The following RCC1 variants were observed in gnomAD, a reference collection of about 807,000 sequenced individuals.
RCC1 encodes the protein regulator of chromosome condensation.
A neutral mutation model predicts 44.4 loss-of-function variants in RCC1; 11 were observed. That is an observed-to-expected ratio of 0.25 (90% confidence interval 0.16 to 0.41). RCC1 has a LOEUF of 0.41. Among genes scored for constraint, RCC1 ranks in the 10% least tolerant of loss-of-function variants. The pLI, the probability that RCC1 is intolerant of heterozygous loss-of-function variation, is 1.00. For synonymous variants in RCC1, 213 were observed against 216.5 expected, an observed-to-expected ratio of 0.98 and a Z score of 0.14; for missense variants, 386 against 547.1, an observed-to-expected ratio of 0.71 and a Z score of 2.94.
At chr1:28,509,072 G>T in intron 3 of RCC1, 167 bp downstream of exon 3, 3 of 359,576 alleles carry the variant, frequency 8.3e-6, no homozygotes, top group South Asian at 4.3e-5. Context: ...CAAGTAGCTG[G>T]GATTACAAAC....
intron 7 of RCC1, 87 bp downstream of exon 7, chr1:28,532,437 A>G (rs1158486563): frequency 3.2e-5 from 45 of 1,426,234 alleles, no homozygotes; most frequent in Admixed American, 5.8e-5. Context: ...CCATGCCCCC[A>G]TGGTACTTAC....
At chr1:28,511,063 T>C (rs2853734) in intron 3 of RCC1, among the ~76,000 whole-genome samples, 80,546 of 151,948 alleles carry the variant, frequency 0.53, 23,465 homozygotes, top group African/African-American at 0.76. Flanking sequence ...ATACCCCTTT[T>C]TTAGACTTTC....
intron 2 of RCC1, 93 bp from the exon 3 acceptor site, chr1:28,508,737 G>A (rs1396107143): frequency 1.9e-6 from 1 of 517,318 alleles, no homozygotes; most frequent in African/African-American, 2.0e-5. Context: ...CAATGACTGG[G>A]GAGACAAACC....
intron 3 of RCC1, chr1:28,509,475 G>C (rs1467486468): frequency 6.5e-6 from 1 of 153,662 alleles, no homozygotes; most frequent in Non-Finnish European, 1.4e-5. Context: ...TCCTGACCTC[G>C]TGATCCGCCC....
rs1218534210 is a variant in RCC1, at chr1:28,536,067, G to T, written c.817+41G>T. The T allele has an allele frequency of 6.4e-7, 1 of 1,574,188 alleles. No homozygotes were observed. Among genetic ancestry groups the T allele is most frequent in the African/African-American group, 1.4e-5 (1 of 73,830 alleles). On this transcript the variant is annotated intron_variant, in intron 10 of 12. Coordinates refer to ENST00000683442, the MANE Select transcript of RCC1 (RefSeq NM_001381865.2). This position sits in a 1 kb window ranked among gnomAD's most constrained non-coding sequence, Gnocchi z 4.9. Reference sequence around the variant, plus strand: ...AGCTTCAGGCATGACCCAGTGGCCTGCGTTCCTGTCCTGGCTCTGCCACTC... The same window carrying T: ...AGCTTCAGGCATGACCCAGTGGCCTTCGTTCCTGTCCTGGCTCTGCCACTC...
chr1:28,517,091 A>C (rs1662939036), intron 4 of RCC1, among the ~76,000 whole-genome samples: 1 of 151,964 alleles, frequency 6.6e-6, no homozygotes, highest in South Asian at 2.1e-4. Context: ...ATTGCACTCC[A>C]GCCCGGGTGA....
At position 28,536,929 on chromosome 1, in the gene RCC1, T is replaced by G. The variant is rs780828199; in HGVS notation, c.1090+30T>G. ...GTGGGGCTGCCTACACTCTGTCTAG[T>G]TGGGACCTGGGGGTCATGGTTCTTA... On this transcript the variant is annotated intron_variant, in intron 12 of 12. Coordinates refer to ENST00000683442, the MANE Select transcript of RCC1 (RefSeq NM_001381865.2). This position sits in a 1 kb window ranked among gnomAD's most constrained non-coding sequence, Gnocchi z 4.9. 14 of 1,612,534 alleles carry G rather than the reference T, an allele frequency of 8.7e-6. No homozygotes were observed. In the South Asian group the frequency reaches 1.5e-4, roughly 18 times the overall value.
intron 4 of RCC1, chr1:28,526,448 G>T: frequency 2.0e-6 from 1 of 509,492 alleles, no homozygotes; most frequent in Non-Finnish European, 3.8e-6. Flanking sequence ...TGTTTATGTG[G>T]CCCAAAGCAC....
intron 5 of RCC1, among the ~76,000 whole-genome samples, chr1:28,531,265 C>CTTT (rs1178899130): frequency 1.5e-5 from 2 of 132,112 alleles, no homozygotes; most frequent in Non-Finnish European, 3.1e-5. Context: ...TTTTCTTTTT[C>CTTT]TTTTTTTTTT....
chr1:28,530,397 T>C, intron 5 of RCC1: 1 of 759,722 alleles, frequency 1.3e-6, no homozygotes, highest in Non-Finnish European at 2.1e-6. Context: ...TGGCAGCATT[T>C]GAGGGAGGTG....
At chr1:28,529,037 ATTTT>A (rs779736390) in intron 4 of RCC1, among the ~76,000 whole-genome samples, 9 of 101,868 alleles carry the variant, frequency 8.8e-5, no homozygotes, top group Admixed American at 2.0e-4. Flanking sequence ...TAATTTTTGT[ATTTT>A]TTTTTTTTTT....
At chr1:28,507,556 C>T (rs773755492) in intron 1 of RCC1, 7 of 518,076 alleles carry the variant, frequency 1.4e-5, no homozygotes, top group Non-Finnish European at 2.7e-5. Context: ...GGAGACAAAC[C>T]ATGCAGGAAA....
intron 1 of RCC1, 118 bp downstream of exon 1, chr1:28,506,202 T>TA: frequency 5.7e-6 from 1 of 176,890 alleles, no homozygotes; most frequent in African/African-American, 3.8e-5. Flanking sequence ...ATTTATTTAC[T>TA]TTTTTTTTTT....
intron 3 of RCC1, among the ~76,000 whole-genome samples, chr1:28,514,431 CAG>C (rs1557868840): frequency 6.8e-6 from 1 of 146,698 alleles, no homozygotes; most frequent in Non-Finnish European, 1.5e-5. Flanking sequence ...GCCTGGGCGA[CAG>C]AGCGAGACTC....
chr1:28,524,698 A>G (rs1663532694), intron 4 of RCC1, among the ~76,000 whole-genome samples: 1 of 152,128 alleles, frequency 6.6e-6, no homozygotes, highest in Non-Finnish European at 1.5e-5. Context: ...TTTCTGCAAA[A>G]TATACAAAAA....
chr1:28,516,032 A>C (rs937691431), intron 3 of RCC1, among the ~76,000 whole-genome samples: 1 of 151,790 alleles, frequency 6.6e-6, no homozygotes, highest in African/African-American at 2.4e-5. Flanking sequence ...AAAATACAAA[A>C]ATTAGCTGGG....
At chr1:28,532,735 T>A in intron 7 of RCC1, 1 of 471,300 alleles carries the variant, frequency 2.1e-6, no homozygotes, top group Non-Finnish European at 4.2e-6. Context: ...AGGCAGGGAT[T>A]GTCGCATCTC....
intron 3 of RCC1, among the ~76,000 whole-genome samples, chr1:28,515,284 C>T (rs771256061): frequency 6.0e-5 from 9 of 151,256 alleles, no homozygotes; most frequent in Non-Finnish European, 7.4e-5. Context: ...AGTGAGACTC[C>T]GTCTCAAAAA....
At chr1:28,532,424 C>T in intron 7 of RCC1, 74 bp downstream of exon 7, 1 of 1,499,228 alleles carries the variant, frequency 6.7e-7, no homozygotes, top group Admixed American at 1.8e-5. Flanking sequence ...AGATAATCCA[C>T]TTCCATGCCC....
Sources: gnomAD v4.1 joint callset for allele counts (sites outside exome capture counted in the v4.1 genomes callset) on GRCh38, gnomAD v4.1.1 for gene constraint, Gnocchi (gnomAD v3.1) non-coding constraint, MANE v1.5 for transcripts, NCBI Gene and HGNC (gene_info 2026-07-23, HGNC 2026-07-21) for gene names.